Variants in KIF15 observed in about 807,000 individuals in gnomAD.
KIF15 encodes the protein kinesin-like protein KIF15.
KIF15 carries 140 observed loss-of-function variants against 190.6 expected under a neutral mutation model. That is an observed-to-expected ratio of 0.73 (90% CI 0.64 to 0.84). The LOEUF (loss-of-function observed/expected upper bound fraction) is 0.84, where lower values mean the gene tolerates loss of function less well. Ranked by LOEUF, KIF15 falls within the 40% of genes least tolerant of loss-of-function variation. The pLI, the probability that KIF15 is intolerant of heterozygous loss-of-function variation, is 0.00. For synonymous variants in KIF15, 528 were observed against 551.3 expected, an observed-to-expected ratio of 0.96 and a Z score of 0.59; for missense variants, 1,372 against 1,584.4, an observed-to-expected ratio of 0.87 and a Z score of 2.28.
At chr3:44,803,851 G>A (rs745982679) in intron 14 of KIF15, among the ~76,000 whole-genome samples, 11 of 151,974 alleles carry the variant, frequency 7.2e-5, no homozygotes, top group Non-Finnish European at 1.2e-4. Context: ...TTACTATCAG[G>A]TTTTCTGTTG....
chr3:44,794,646 C>T (rs1318607018), intron 8 of KIF15, among the ~76,000 whole-genome samples: 1 of 152,034 alleles, frequency 6.6e-6, no homozygotes, highest in Non-Finnish European at 1.5e-5. Context: ...AATCAAATTT[C>T]CTAACAGCAC....
intron 26 of KIF15, among the ~76,000 whole-genome samples, chr3:44,835,070 A>G (rs1326352960): frequency 1.3e-5 from 2 of 151,650 alleles, no homozygotes; most frequent in African/African-American, 4.8e-5. Context: ...CAGAAATAAT[A>G]TAGCGTATCA....
At chr3:44,787,965 G>A (rs1033398585) in intron 7 of KIF15, among the ~76,000 whole-genome samples, 13 of 151,552 alleles carry the variant, frequency 8.6e-5, no homozygotes, top group Admixed American at 4.6e-4. Flanking sequence ...AGCAATTCTC[G>A]TGCCTTAGCC....
intron 1 of KIF15, among the ~76,000 whole-genome samples, chr3:44,771,164 G>A (rs1384262788): frequency 6.6e-6 from 1 of 152,142 alleles, no homozygotes; most frequent in East Asian, 1.9e-4. Context: ...GGTAGTTAGA[G>A]TCAGAAACAG....
At position 44,761,827 on chromosome 3, in the gene KIF15, C is replaced by T; in HGVS notation, c.-39C>T. The T allele has an allele frequency of 1.9e-6, 3 of 1,614,124 alleles. No homozygotes were observed. The highest frequency in any genetic ancestry group is 2.5e-6 in the Non-Finnish European group (3 of 1,180,004). On this transcript the variant is annotated 5_prime_UTR_variant, in exon 1 of 35. Transcript: ENST00000326047. The stretch of plus-strand genomic sequence containing the variant: ...GCGGTGCAGTCGGGAGGTGGAGGCA[C>T]CGGCTGCATTGTTTTCGGGATCGAG...
At chr3:44,827,682 A>T (rs1697746052) in intron 23 of KIF15, among the ~76,000 whole-genome samples, 154 bp downstream of exon 23, 1 of 151,888 alleles carries the variant, frequency 6.6e-6, no homozygotes, top group Non-Finnish European at 1.5e-5. Context: ...TTTTAATTTT[A>T]TTTTTTTCTT....
chr3:44,836,863 T>G (rs1358087297), intron 26 of KIF15, among the ~76,000 whole-genome samples: 1 of 152,094 alleles, frequency 6.6e-6, no homozygotes, highest in Non-Finnish European at 1.5e-5. Context: ...AAGGTAACCA[T>G]GTGTGGAAAA....
intron 29 of KIF15, among the ~76,000 whole-genome samples, chr3:44,841,693 T>G (rs1378223608): frequency 6.6e-6 from 1 of 152,126 alleles, no homozygotes; most frequent in Admixed American, 6.5e-5. Flanking sequence ...CCACCGCGCC[T>G]GGCCAATTTA....
Position 44,852,900 on chromosome 3 carries a change from C to T in KIF15, c.*165C>T, listed in dbSNP as rs1018819560. 1.8e-6 allele frequency: 1 copy of T among 542,632 alleles called. No homozygotes were observed. The highest frequency in any genetic ancestry group is 3.2e-6 in the Non-Finnish European group (1 of 314,112). The allele number at this position is 542,632 out of a possible 1,614,324, so 33.6% of individuals were successfully genotyped here. A position where few individuals can be genotyped will look rare whatever the true frequency, so the allele number is the denominator to read the frequency against. On this transcript the variant is annotated 3_prime_UTR_variant, in exon 35 of 35. Coordinates refer to ENST00000326047, the MANE Select transcript of KIF15 (RefSeq NM_020242.3). ...CCTCAAGTTTCTGATGAACATTCTG[C>T]ATCCATATACACCCTGTGACAGTCA...
At chr3:44,805,284 A>C (rs1707444814) in intron 15 of KIF15, 116 bp downstream of exon 15, 1 of 942,004 alleles carries the variant, frequency 1.1e-6, no homozygotes, top group African/African-American at 1.7e-5. Flanking sequence ...CTCTCATAGC[A>C]GCAACTACTT....
At chr3:44,852,082 G>T in intron 33 of KIF15, 126 bp from the exon 34 acceptor site, 1 of 1,414,346 alleles carries the variant, frequency 7.1e-7, no homozygotes, top group South Asian at 1.4e-5. Context: ...GAGTTGTGAG[G>T]CCTTGAAAGC....
intron 20 of KIF15, among the ~76,000 whole-genome samples, chr3:44,816,401 C>T (rs772459734): frequency 6.6e-6 from 1 of 151,406 alleles, no homozygotes; most frequent in Non-Finnish European, 1.5e-5. Flanking sequence ...CAGCCCCCCA[C>T]CCCTTGACAG....
chr3:44,847,986 G>T lies in KIF15; in HGVS notation c.3697G>T (p.Asp1233Tyr). Residue 1233 changes from aspartate to tyrosine, a missense_variant and splice_region_variant, in exon 31 of 35, where the codon GAT (aspartate) becomes TAT (tyrosine). Physicochemically the swap from Asp to Tyr is radical, Grantham distance 160. Coordinates refer to ENST00000326047, the MANE Select transcript of KIF15 (RefSeq NM_020242.3). ...TCCCACCCCTGTTAATCTATGCAGT[G>T]ATCAGAATCATCCAGATAATCAACA... is the stretch of plus-strand genomic sequence containing the variant. ...DDIKRQKENSDQNHPDNQQLK... is the reference protein window; with the variant it reads ...DDIKRQKENSYQNHPDNQQLK... 1.2e-6 allele frequency: 2 copies of T among 1,608,140 alleles called. No individual in the cohort carries two copies. The highest frequency in any genetic ancestry group is 2.2e-5 in the East Asian group (1 of 44,802).
intron 5 of KIF15, among the ~76,000 whole-genome samples, chr3:44,783,987 T>TA (rs2125914597): frequency 6.6e-6 from 1 of 152,340 alleles, no homozygotes; most frequent in South Asian, 2.1e-4. Context: ...TGTAACAAAA[T>TA]AGAGACTCTG....
chr3:44,833,768 C>T (rs183821159), intron 26 of KIF15, among the ~76,000 whole-genome samples: 62 of 152,274 alleles, frequency 4.1e-4, no homozygotes, highest in South Asian at 2.1e-4. Context: ...TGAGGTAATA[C>T]ATGGAAAGTG....
chr3:44,821,500 A>G (rs1489555471), intron 20 of KIF15, among the ~76,000 whole-genome samples: 1 of 150,742 alleles, frequency 6.6e-6, no homozygotes, highest in African/African-American at 2.5e-5. Context: ...GGCGGGGCAG[A>G]GGCGCTCCCC....
chr3:44,852,708 A>G lies in KIF15; in HGVS notation c.4140A>G (p.Leu1380=). 6.3e-7 allele frequency: 1 copy of G among 1,599,698 alleles called. No individual in the cohort carries two copies. Among genetic ancestry groups the G allele is most frequent in the Non-Finnish European group, 8.5e-7 (1 of 1,175,602 alleles). The change falls in exon 35 of 35, where the codon TTA becomes TTG. Residue 1380 remains leucine, a synonymous_variant. Transcript: ENST00000326047. The part of the protein sequence containing the change: ...TEKLRAENVF[L]KEKKRSES ...AGTTGCGTGCCGAAAATGTATTTTT[A>G]AAAGAAAAGAAAAGAAGTGAATCTT...
At chr3:44,860,695 A>G (rs945511692) in intron 6 of KIF15, among the ~76,000 whole-genome samples, 4 of 152,060 alleles carry the variant, frequency 2.6e-5, no homozygotes, top group African/African-American at 9.7e-5. Flanking sequence ...TATTTGAGCC[A>G]CAAAACCACC....
intron 3 of KIF15, 56 bp from the exon 4 acceptor site, chr3:44,778,059 T>G: frequency 1.4e-6 from 2 of 1,464,306 alleles, no homozygotes; most frequent in Non-Finnish European, 9.6e-7. Flanking sequence ...AGAATGCAAT[T>G]TAGGAAAAAT....
Sources: gnomAD v4.1 joint callset for allele counts (sites outside exome capture counted in the v4.1 genomes callset) on GRCh38, gnomAD v4.1.1 for gene constraint, MANE v1.5 for transcripts, NCBI Gene and HGNC (gene_info 2026-07-23, HGNC 2026-07-21) for gene names.